Variants in KDM3A observed in about 807,000 individuals in gnomAD.
KDM3A encodes the protein lysine demethylase 3A, also known as lysine-specific demethylase 3A.
Under a neutral mutation model 158.0 loss-of-function variants are expected in KDM3A, and 60 were observed. The observed-to-expected ratio is 0.38, with a 90% CI of 0.31 to 0.47. The LOEUF (loss-of-function observed/expected upper bound fraction) is 0.47. KDM3A is among the 20% of genes least tolerant of loss of function. The pLI is 0.99. For missense variants in KDM3A, 1,319 were observed against 1,574.3 expected, an observed-to-expected ratio of 0.84 and a Z score of 2.74; for synonymous variants, 608 against 549.3, an observed-to-expected ratio of 1.11 and a Z score of -1.49.
rs116346051 is a variant in KDM3A, at chr2:86,456,963, C to A, written c.755-20C>A. On this transcript the variant is annotated intron_variant, in intron 7 of 25. Transcript: ENST00000312912. ...AAGAGAAACAGGGAAGCCAACTTAACCTATTTTTAAATATTTTAGGTAATT... is the reference window on the plus strand; with the variant it reads ...AAGAGAAACAGGGAAGCCAACTTAAACTATTTTTAAATATTTTAGGTAATT... 1 of 1,584,490 alleles carries A rather than the reference C, an allele frequency of 6.3e-7. No homozygotes were observed. Among genetic ancestry groups the A allele is most frequent in the Non-Finnish European group, 8.6e-7 (1 of 1,157,864 alleles).
intron 2 of KDM3A, among the ~76,000 whole-genome samples, chr2:86,442,983 C>A (rs1049775241): frequency 6.6e-6 from 1 of 152,090 alleles, no homozygotes; most frequent in Non-Finnish European, 1.5e-5. Flanking sequence ...GAACCTTTTT[C>A]TGTTAGATCT....
At chr2:86,458,509 C>A (rs1441956882) in intron 8 of KDM3A, among the ~76,000 whole-genome samples, 2 of 152,204 alleles carry the variant, frequency 1.3e-5, no homozygotes, top group Non-Finnish European at 2.9e-5. Context: ...TAAGTACTCA[C>A]TGTGTGGTGG....
chr2:86,442,735 A>T (rs1316536848), intron 2 of KDM3A: 1 of 154,694 alleles, frequency 6.5e-6, no homozygotes, highest in African/African-American at 2.4e-5. Flanking sequence ...TTGGCGTATT[A>T]GGATGGGTGT....
intron 19 of KDM3A, 39 bp from the exon 20 acceptor site, chr2:86,484,903 A>T: frequency 7.7e-7 from 1 of 1,296,174 alleles, no homozygotes; most frequent in African/African-American, 1.5e-5. Context: ...TCTGTTTCTG[A>T]ATTATAAATA....
At chr2:86,478,418 C>T (rs1003398494) in intron 14 of KDM3A, among the ~76,000 whole-genome samples, 153 bp downstream of exon 14, 19 of 152,088 alleles carry the variant, frequency 1.2e-4, no homozygotes, top group African/African-American at 4.3e-4. Context: ...CAACACTTTT[C>T]GAGTCAAGTT....
intron 11 of KDM3A, among the ~76,000 whole-genome samples, chr2:86,472,915 T>C (rs994414707): frequency 1.3e-5 from 2 of 152,234 alleles, no homozygotes; most frequent in African/African-American, 4.8e-5. Flanking sequence ...CTCTTGGACA[T>C]ACCTTCTTTA....
intron 2 of KDM3A, chr2:86,443,255 A>G (rs551359323): frequency 1.3e-5 from 2 of 152,338 alleles, no homozygotes; most frequent in East Asian, 1.9e-4. Context: ...TTCTTAAACT[A>G]TGTTCAAATA....
chr2:86,454,447 T>G (rs879904311), intron 4 of KDM3A, among the ~76,000 whole-genome samples: 2 of 152,198 alleles, frequency 1.3e-5, no homozygotes, highest in African/African-American at 4.8e-5. Flanking sequence ...GAAAGAGATA[T>G]GTGTACCTCT....
upstream of KDM3A, among the ~76,000 whole-genome samples, chr2:86,439,178 G>A (rs34633268): frequency 6.6e-6 from 1 of 151,860 alleles, no homozygotes; most frequent in Non-Finnish European, 1.5e-5. Context: ...ATACTCTTAA[G>A]ATCACAAGTG....
intron 8 of KDM3A, among the ~76,000 whole-genome samples, chr2:86,458,257 C>A (rs534528281): frequency 6.6e-6 from 1 of 152,270 alleles, no homozygotes; most frequent in African/African-American, 2.4e-5. Flanking sequence ...AATTGGCTTT[C>A]TTGAATCTTT....
At chr2:86,483,945 G>A in intron 18 of KDM3A, 42 bp from the exon 19 acceptor site, 1 of 1,542,738 alleles carries the variant, frequency 6.5e-7, no homozygotes, top group East Asian at 2.3e-5. Context: ...TGGGGACAGA[G>A]CTGGCAGAGT....
intron 12 of KDM3A, among the ~76,000 whole-genome samples, chr2:86,476,434 C>G (rs1292310024): frequency 8.5e-5 from 13 of 152,168 alleles, no homozygotes; most frequent in Non-Finnish European, 1.6e-4. Flanking sequence ...GGATTAACCT[C>G]TCCTCCTTGC....
intron 2 of KDM3A, 168 bp downstream of exon 2, chr2:86,442,401 C>A: frequency 3.1e-6 from 2 of 655,338 alleles, no homozygotes; most frequent in South Asian, 2.0e-5. Context: ...TTGTATAGAG[C>A]CGAGTTGTGT....
Position 86,491,066 on chromosome 2 carries a change from C to A in KDM3A, c.3750+9C>A. The A allele has an allele frequency of 1.2e-6, 2 of 1,613,036 alleles. No homozygotes were observed. The highest frequency in any genetic ancestry group is 1.1e-5 in the South Asian group (1 of 90,970). ...CAGGAGCTCCACATCAGGCAAGAAT[C>A]ATTACTTTTTCTTTAATCTCTTTAT... On this transcript the variant is annotated intron_variant, in intron 24 of 25. Transcript: ENST00000312912.
chr2:86,470,111 G>A (rs1673332043), intron 10 of KDM3A, 93 bp from the exon 11 acceptor site: 1 of 997,660 alleles, frequency 1.0e-6, no homozygotes, highest in South Asian at 1.5e-5. Flanking sequence ...TTCTCTTTAA[G>A]GGAATATTGG....
Position 86,456,779 on chromosome 2 carries a change from G to C in KDM3A, c.682-26G>C, listed in dbSNP as rs755285937. The C allele has an allele frequency of 5.7e-6, 9 of 1,568,708 alleles. No homozygotes were observed. The South Asian group carries it at 7.9e-5, about 14-fold the overall frequency. ...GTTCTTGAGCATTTTTTATTTTCCG[G>C]TATCTTTGTTTCATTTATTTTTAAG... is the stretch of plus-strand genomic sequence containing the variant. On this transcript the variant is annotated intron_variant, in intron 6 of 25. Transcript: ENST00000312912.
intron 4 of KDM3A, among the ~76,000 whole-genome samples, chr2:86,453,550 T>C (rs1447718432): frequency 2.0e-5 from 3 of 152,220 alleles, no homozygotes; most frequent in African/African-American, 7.2e-5. Context: ...CCCTAAACTC[T>C]CCTAGGCAGC....
chr2:86,439,728 A>T (rs1379412550), upstream of KDM3A, among the ~76,000 whole-genome samples: 1 of 152,142 alleles, frequency 6.6e-6, no homozygotes, highest in African/African-American at 2.4e-5. Flanking sequence ...TCATAGCGTC[A>T]CCTTAGGATA....
chr2:86,461,363 A>G (rs1672922229), intron 8 of KDM3A, among the ~76,000 whole-genome samples: 1 of 152,174 alleles, frequency 6.6e-6, no homozygotes, highest in Non-Finnish European at 1.5e-5. Flanking sequence ...AGACTGATCT[A>G]CAGTGGTGAT....
Sources: gnomAD v4.1 joint callset for allele counts (sites outside exome capture counted in the v4.1 genomes callset) on GRCh38, gnomAD v4.1.1 for gene constraint, MANE v1.5 for transcripts, NCBI Gene and HGNC (gene_info 2026-07-23, HGNC 2026-07-21) for gene names.